The following SCUBE2 variants were observed in gnomAD, a reference collection of about 807,000 sequenced individuals.
SCUBE2 encodes the protein signal peptide, CUB and EGF-like domain-containing protein 2.
SCUBE2 carries 114 observed loss-of-function variants against 125.9 expected under a neutral mutation model. The ratio of observed to expected loss-of-function variants is 0.91; its 90% CI spans 0.78 to 1.06. The LOEUF (loss-of-function observed/expected upper bound fraction) is 1.06, where lower values mean the gene tolerates loss of function less well. SCUBE2 is among the 50% of genes least tolerant of loss of function. SCUBE2 has a pLI of 0.00. For missense variants in SCUBE2, 1,255 were observed against 1,301.8 expected (o/e 0.96, Z 0.55); for synonymous variants, 459 against 492.9 (o/e 0.93, Z 0.91).
chr11:9,027,638 G>T, intron 19 of SCUBE2, 77 bp from the exon 20 acceptor site: 1 of 1,292,302 alleles, frequency 7.7e-7, no homozygotes, highest in Non-Finnish European at 1.1e-6. Context: ...GCCGAGCCCC[G>T]CAGCACCCCT....
intron 15 of SCUBE2, 44 bp downstream of exon 15, chr11:9,047,899 C>A (rs750052656): frequency 6.4e-7 from 1 of 1,563,460 alleles, no homozygotes; most frequent in East Asian, 2.3e-5. Flanking sequence ...AAATAAGGAG[C>A]AAGCCGTGAG....
At chr11:9,027,186 C>A in intron 20 of SCUBE2, 178 bp downstream of exon 20, 1 of 634,772 alleles carries the variant, frequency 1.6e-6, no homozygotes, top group Non-Finnish European at 2.7e-6. Context: ...CAGCAAGACG[C>A]TTCAGTGTGT....
At chr11:9,047,328 G>C (rs752976574) in intron 16 of SCUBE2, 28 bp downstream of exon 16, 1 of 1,612,068 alleles carries the variant, frequency 6.2e-7, no homozygotes, top group Non-Finnish European at 8.5e-7. Context: ...AGGCTGTTCT[G>C]TTAGCAAGAA....
In SCUBE2 at chr11:9,066,691, A is replaced by ACTCACCAAGGCAGCTC. The variant is rs763394719; in HGVS notation, c.750_760+5dup. The ACTCACCAAGGCAGCTC allele has an allele frequency of 2.5e-6, 4 of 1,612,006 alleles. No individual in the cohort carries two copies. In the East Asian group the frequency reaches 8.9e-5, roughly 36 times the overall value. ...ACCCTCACTCAGTGTTGGGGTTGCC[A>ACTCACCAAGGCAGCTC]CTCACCAAGGCAGCTCCTCCCATCT... On this transcript the variant is annotated splice_donor_region_variant and intron_variant, in intron 6 of 22. Coordinates refer to ENST00000649792, the MANE Select transcript of SCUBE2 (RefSeq NM_001367977.2).
intron 16 of SCUBE2, among the ~76,000 whole-genome samples, chr11:9,043,907 T>C (rs1019639562): frequency 1.3e-5 from 2 of 152,000 alleles, no homozygotes; most frequent in East Asian, 1.9e-4. Context: ...GGAAGCGACA[T>C]GCATAGGCAT....
Position 9,089,692 on chromosome 11 carries a change from C to A in SCUBE2, c.256+15G>T. On this transcript the variant is annotated intron_variant, in intron 2 of 22. Coordinates refer to ENST00000649792, the MANE Select transcript of SCUBE2 (RefSeq NM_001367977.2). ...CTTCCCTACAGTCCCCCCACATGGT[C>A]CCCAAGGCACTTACCCTCACACTGC... 2 of 1,612,200 alleles carry A rather than the reference C, an allele frequency of 1.2e-6. No individual in the cohort carries two copies. The highest frequency in any genetic ancestry group is 2.2e-5 in the South Asian group (2 of 90,700).
chr11:9,082,385 G>C (rs914039680), intron 2 of SCUBE2, among the ~76,000 whole-genome samples: 7 of 151,864 alleles, frequency 4.6e-5, no homozygotes, highest in African/African-American at 1.7e-4. Flanking sequence ...TGTGGCTTTG[G>C]TGTGATATCC....
intron 16 of SCUBE2, among the ~76,000 whole-genome samples, chr11:9,035,893 T>G (rs1362144097): frequency 1.3e-5 from 2 of 152,144 alleles, no homozygotes; most frequent in Non-Finnish European, 2.9e-5. Flanking sequence ...ATTTTATATA[T>G]ATAGATTTTT....
rs951906909 is a variant in SCUBE2, at chr11:9,088,317, G to A, written c.256+1390C>T. Among the ~76,000 whole-genome samples, 12 of 152,198 alleles carry A rather than the reference G, an allele frequency of 7.9e-5. No homozygotes were observed. The East Asian group carries it at 9.6e-4, about 12-fold the overall frequency. On this transcript the variant is annotated intron_variant, in intron 2 of 22. Coordinates refer to ENST00000649792, the MANE Select transcript of SCUBE2 (RefSeq NM_001367977.2). ...AGCCTGGCCAACATGGTGAAACCCC[G>A]TCTGTCCTAAAAATACAAAAATTAG...
rs1857886415 is a variant in SCUBE2, at chr11:9,047,347, G to A, written c.2002+9C>T. 1.2e-6 allele frequency: 2 copies of A among 1,613,878 alleles called. No homozygotes were observed. The highest frequency in any genetic ancestry group is 4.5e-5 in the East Asian group (2 of 44,878). On this transcript the variant is annotated intron_variant, in intron 16 of 22. Coordinates refer to ENST00000649792, the MANE Select transcript of SCUBE2 (RefSeq NM_001367977.2). ...TGTTCTGTTAGCAAGAATGTCCCAG[G>A]CCACTCACCACATTGGTTTTCTGCA...
intron 2 of SCUBE2, among the ~76,000 whole-genome samples, chr11:9,080,850 TC>T (rs1230678105): frequency 6.6e-6 from 1 of 151,746 alleles, no homozygotes; most frequent in Non-Finnish European, 1.5e-5. Context: ...TATTTGCAAA[TC>T]ACACACCTTA....
chr11:9,046,395 C>A (rs1857778582), intron 16 of SCUBE2, among the ~76,000 whole-genome samples: 1 of 152,160 alleles, frequency 6.6e-6, no homozygotes, highest in South Asian at 2.1e-4. Context: ...TCCCCAGGAA[C>A]ATACCCATGG....
chr11:9,054,593 A>C lies in SCUBE2; in HGVS notation c.1208-834T>G, dbSNP rs1012706802. 9.3e-5 allele frequency among the ~76,000 whole-genome samples: 14 copies of C among 150,906 alleles called. 1 individual carries two copies. The highest frequency in any genetic ancestry group is 2.2e-4 in the African/African-American group (9 of 40,908). On this transcript the variant is annotated intron_variant, in intron 10 of 22. Coordinates refer to ENST00000649792, the MANE Select transcript of SCUBE2 (RefSeq NM_001367977.2). ...AGACATACATCCATACTCAGGGTAC[A>C]TTTCCTCGAGGTTTCCTGATGGACT...
chr11:9,045,091 T>C (rs1318364268), intron 16 of SCUBE2, among the ~76,000 whole-genome samples: 1 of 152,200 alleles, frequency 6.6e-6, no homozygotes, highest in East Asian at 1.9e-4. Context: ...GTAAACTCTG[T>C]GAGGGCTGAG....
intron 16 of SCUBE2, among the ~76,000 whole-genome samples, chr11:9,043,654 T>G (rs931115680): frequency 2.0e-5 from 3 of 152,210 alleles, no homozygotes; most frequent in African/African-American, 7.2e-5. Context: ...CTTTAAAATT[T>G]ATTTTTTAAT....
chr11:9,023,316 C>T (rs752975963), intron 21 of SCUBE2, among the ~76,000 whole-genome samples: 9 of 152,214 alleles, frequency 5.9e-5, no homozygotes, highest in Non-Finnish European at 1.3e-4. Context: ...GTCACAATTA[C>T]TAATTCGATA....
At chr11:9,087,520 G>T (rs552736717) in intron 2 of SCUBE2, among the ~76,000 whole-genome samples, 2 of 152,054 alleles carry the variant, frequency 1.3e-5, no homozygotes, top group African/African-American at 2.4e-5. Flanking sequence ...GCAGGGGGAG[G>T]GGGGAAGAGA....
rs751653079 is a variant in SCUBE2, at chr11:9,029,975, G to A, written c.2412C>T (p.Tyr804=). ...HRCIRCPVGT[Y]QPEFGKNNCV... is the part of the protein sequence containing the mutation. ...AATTATTTTTTCCAAATTCAGGCTG[G>A]TATGTTCCCACTGGGCAACGAATAC... Residue 804 remains tyrosine (Y), a synonymous_variant, in exon 19 of 23, where the codon TAC becomes TAT. Coordinates refer to ENST00000649792, the MANE Select transcript of SCUBE2 (RefSeq NM_001367977.2). 1 of 1,614,180 alleles carries A rather than the reference G, an allele frequency of 6.2e-7. No individual in the cohort carries two copies. Among genetic ancestry groups the A allele is most frequent in the African/African-American group, 1.3e-5 (1 of 75,042 alleles).
chr11:9,051,225 T>TCTACCTACCTAC (rs1555245377), intron 13 of SCUBE2, among the ~76,000 whole-genome samples: 3,987 of 132,296 alleles, frequency 0.03, 81 homozygotes, highest in Non-Finnish European at 0.047. Context: ...TATCTATCTA[T>TCTACCTACCTAC]CTACCTACCT....
Sources: allele counts gnomAD v4.1 joint callset (sites outside exome capture counted in the v4.1 genomes callset), GRCh38; gene constraint gnomAD v4.1.1; transcripts MANE v1.5; gene names NCBI Gene and HGNC (gene_info 2026-07-23, HGNC 2026-07-21).